Variants in IL17RC observed in about 807,000 individuals in gnomAD.
The protein encoded by IL17RC is interleukin 17 receptor C.
A neutral mutation model predicts 86.7 loss-of-function variants in IL17RC; 53 were observed. The ratio of observed to expected loss-of-function variants is 0.61; its 90% CI spans 0.49 to 0.77. The LOEUF is 0.77. IL17RC is among the 30% of genes least tolerant of loss of function. IL17RC has a pLI of 0.00. For synonymous variants in IL17RC, 439 were observed against 413.1 expected, an observed-to-expected ratio of 1.06 and a Z score of -0.76; for missense variants, 957 against 940.0, an observed-to-expected ratio of 1.02 and a Z score of -0.24.
rs1334477057 is a variant in IL17RC at position 9,932,935 on chromosome 3, A to C, written c.1523-18A>C. The C allele has an allele frequency of 1.2e-6, 2 of 1,609,854 alleles. No individual in the cohort carries two copies. The highest frequency in any genetic ancestry group is 1.7e-6 in the Non-Finnish European group (2 of 1,178,994). ...GTGCCAGCTCACCTCTTCCCTCCCC[A>C]TCTGTTTTCTCCGGCAGCGGCCGCC... On this transcript the variant is annotated intron_variant, in intron 18 of 18. Coordinates refer to ENST00000403601, the MANE Select transcript of IL17RC (RefSeq NM_153460.4).
Position 9,933,084 on chromosome 3 carries a change from C to T in IL17RC, c.1654C>T (p.Arg552Cys). The T allele has an allele frequency of 6.4e-7, 1 of 1,567,258 alleles. No homozygotes were observed. The highest frequency in any genetic ancestry group is 8.6e-7 in the Non-Finnish European group (1 of 1,163,720). ...CGTGGCCGTAGACCTGTGGAGCCGT[C>T]GTGAACTGAGCGCGCAGGGGCCCGT... ...LRVAVDLWSR[R>C]ELSAQGPVAW... Residue 552 changes from arginine (R) to cysteine (C), a missense_variant, in exon 19 of 19, where the codon CGT becomes TGT. By Grantham distance (180) the Arg-to-Cys change is radical. Transcript: ENST00000403601.
At position 9,930,790 on chromosome 3, in the gene IL17RC, T is replaced by C. The variant is rs2084579585; in HGVS notation, c.1339-105T>C. 2.1e-6 allele frequency: 2 copies of C among 970,240 alleles called. No homozygotes were observed. The highest frequency in any genetic ancestry group is 1.7e-5 in the Admixed American group (1 of 59,152). The allele number at this position is 970,240 out of a possible 1,614,324, so 60.1% of individuals were successfully genotyped here. ...AGCTGCAGGAACCTTAGCCGGGAGA[T>C]ATGCATAGTTGATGCTGGGAATTTG... On this transcript the variant is annotated intron_variant, in intron 15 of 18. Coordinates refer to ENST00000403601, the MANE Select transcript of IL17RC (RefSeq NM_153460.4). The surrounding 1 kb of genome is among the most constrained non-coding windows in gnomAD (Gnocchi z 5.8).
In IL17RC at chr3:9,930,898, TG is replaced by T; in HGVS notation, c.1345del (p.Asp449ThrfsTer49). 6.2e-7 allele frequency: 1 copy of T among 1,614,090 alleles called. No homozygotes were observed. Among genetic ancestry groups the T allele is most frequent in the Non-Finnish European group, 8.5e-7 (1 of 1,179,914 alleles). On this transcript the variant is annotated frameshift_variant, in exon 16 of 19. Transcript: ENST00000403601. LOFTEE classifies it high-confidence loss of function. The surrounding 1 kb of genome is among the most constrained non-coding windows in gnomAD (Gnocchi z 5.8). ...TGGTTCTGTTTGTATCTTACAGCTA[TG>T]GGACGATGACTTGGGAGCGCTATGG... The part of the protein sequence containing the change: ...DLQSGQCLQL[W>X]DDDLGALWAC...
rs2125323238 is a variant in IL17RC, at chr3:9,933,532, C to T, written c.2102C>T (p.Thr701Ile). ...ALDSYFHPPG[T>I]PAPGRGVGPG... ...GATAGCTACTTCCATCCCCCGGGGA[C>T]TCCCGCGCCGGGACGCGGGGTGGGA... is the stretch of plus-strand genomic sequence containing the variant. Residue 701 changes from threonine (T) to isoleucine (I), a missense_variant, in exon 19 of 19, where the codon ACT (threonine) becomes ATT (isoleucine). Physicochemically the swap from Thr to Ile is moderately conservative, Grantham distance 89 (BLOSUM62 -1). Coordinates refer to ENST00000403601, the MANE Select transcript of IL17RC (RefSeq NM_153460.4). 5 of 1,607,402 alleles carry T rather than the reference C, an allele frequency of 3.1e-6. No homozygotes were observed. The South Asian group carries it at 4.4e-5, about 14-fold the overall frequency.
intron 9 of IL17RC, among the ~76,000 whole-genome samples, chr3:9,924,661 C>A (rs1388230438): frequency 2.0e-5 from 3 of 152,194 alleles, no homozygotes; most frequent in East Asian, 1.9e-4. Context: ...AGCTGTGTAA[C>A]CTTGGGCAAG....
At chr3:9,924,156 T>G (rs1266217583) in intron 8 of IL17RC, 76 bp from the exon 9 acceptor site, 2 of 1,608,606 alleles carry the variant, frequency 1.2e-6, no homozygotes, top group Non-Finnish European at 1.7e-6. Flanking sequence ...ACTTCTGCCT[T>G]CCTGGTTTCC....
Position 9,930,149 on chromosome 3 carries a change from G to T in IL17RC, c.1278G>T (p.Thr426=). 1 of 1,613,920 alleles carries T rather than the reference G, an allele frequency of 6.2e-7. No individual in the cohort carries two copies. Among genetic ancestry groups the T allele is most frequent in the Non-Finnish European group, 8.5e-7 (1 of 1,179,970 alleles). The change falls in exon 14 of 19, where the codon ACG becomes ACT. Residue 426 remains threonine, a splice_region_variant and synonymous_variant. Coordinates refer to ENST00000403601, the MANE Select transcript of IL17RC (RefSeq NM_153460.4). This position sits in a 1 kb window ranked among gnomAD's most constrained non-coding sequence, Gnocchi z 5.8. The part of the protein sequence containing the change: ...GCTSLPSKAS[T]RAARLGEYLL... ...CTTCACTACCCAGCAAAGCCTCCAC[G>T]GTTAGGACTGGGCGACCCTCCTCCA... is the stretch of plus-strand genomic sequence containing the variant.
intron 9 of IL17RC, among the ~76,000 whole-genome samples, chr3:9,924,665 G>A (rs1190348640): frequency 6.6e-6 from 1 of 152,188 alleles, no homozygotes; most frequent in African/African-American, 2.4e-5. Context: ...GTGTAACCTT[G>A]GGCAAGTCAC....
intron 9 of IL17RC, among the ~76,000 whole-genome samples, chr3:9,926,855 C>A (rs1026060137): frequency 6.6e-6 from 1 of 152,126 alleles, no homozygotes. Context: ...CTCTTGACCT[C>A]GTGATCCGCC....
intron 9 of IL17RC, among the ~76,000 whole-genome samples, chr3:9,926,841 C>T (rs1377879211): frequency 1.3e-5 from 2 of 152,076 alleles, no homozygotes; most frequent in African/African-American, 4.8e-5. Flanking sequence ...CAGATGGTCT[C>T]GATCTCTTGA....
intron 3 of IL17RC, 128 bp downstream of exon 3, chr3:9,918,203 G>A (rs2083265962): frequency 3.0e-6 from 4 of 1,312,240 alleles, no homozygotes; most frequent in South Asian, 1.4e-5. Context: ...CCAGCAGAAG[G>A]ACCCCCAGGC....
chr3:9,923,802 A>G, intron 7 of IL17RC, 79 bp from the exon 8 acceptor site: 1 of 1,507,414 alleles, frequency 6.6e-7, no homozygotes, highest in East Asian at 2.3e-5. Context: ...GGGGGTTTGA[A>G]GGAAACTCCA....
In IL17RC at chr3:9,928,192, T is replaced by C; in HGVS notation, c.849T>C (p.Val283=). Residue 283 remains valine (V), a synonymous_variant, in exon 10 of 19, where the codon GTT becomes GTC. Coordinates refer to ENST00000403601, the MANE Select transcript of IL17RC (RefSeq NM_153460.4). The part of the protein sequence containing the change: ...IQVWPLEPDS[V]RTNICPFRED... ...TGTGGCCTCTGGAACCTGACTCCGT[T>C]AGGACGAACATCTGCCCCTTCAGGG... 6.2e-7 allele frequency: 1 copy of C among 1,614,122 alleles called. No individual in the cohort carries two copies.
Position 9,930,111 on chromosome 3 carries a change from C to T in IL17RC, c.1240C>T (p.Pro414Ser), listed in dbSNP as rs150602081. 5.6e-5 allele frequency: 91 copies of T among 1,614,000 alleles called. No individual in the cohort carries two copies. Among genetic ancestry groups the T allele is most frequent in the Non-Finnish European group, 7.4e-5 (87 of 1,180,012 alleles). Residue 414 changes from proline (P) to serine (S), a missense_variant, in exon 14 of 19, where the codon CCC becomes TCC. Physicochemically the swap from Pro to Ser is moderately conservative, Grantham distance 74. Transcript: ENST00000403601. The surrounding 1 kb of genome is among the most constrained non-coding windows in gnomAD (Gnocchi z 5.8). Reference protein sequence around the residue: ...QDNRSLCALEPSGCTSLPSKA... With the variant: ...QDNRSLCALESSGCTSLPSKA... Reference sequence around the variant, plus strand: ...CAACAGATCCCTCTGTGCCTTGGAACCCAGTGGCTGTACTTCACTACCCAG... The same window carrying T: ...CAACAGATCCCTCTGTGCCTTGGAATCCAGTGGCTGTACTTCACTACCCAG...
chr3:9,933,442 C>A lies in IL17RC; in HGVS notation c.2012C>A (p.Ala671Asp), dbSNP rs752995417. Reference sequence around the variant, plus strand: ...CTGGGGGCCCTGCAGCAGCCTCGCGCCCCGCGTTCCGGGCGGCTCCAAGAG... The same window carrying A: ...CTGGGGGCCCTGCAGCAGCCTCGCGACCCGCGTTCCGGGCGGCTCCAAGAG... ...DFLGALQQPR[A>D]PRSGRLQERA... Residue 671 changes from alanine to aspartate, a missense_variant, in exon 19 of 19, where the codon GCC becomes GAC. By Grantham distance (126) the Ala-to-Asp change is moderately radical. Coordinates refer to ENST00000403601, the MANE Select transcript of IL17RC (RefSeq NM_153460.4). 1.4e-5 allele frequency: 22 copies of A among 1,613,048 alleles called. No homozygotes were observed. Among genetic ancestry groups the A allele is most frequent in the Non-Finnish European group, 1.7e-5 (20 of 1,179,840 alleles).
rs1226567306 is a variant in IL17RC at position 9,932,983 on chromosome 3, T to C, written c.1553T>C (p.Leu518Pro). 1.3e-6 allele frequency: 2 copies of C among 1,596,242 alleles called. No homozygotes were observed. The highest frequency in any genetic ancestry group is 1.3e-5 in the African/African-American group (1 of 74,140). ...AAARGRAALLLYSADDSGFER... is the reference protein window; with the variant it reads ...AAARGRAALLPYSADDSGFER... ...GCCAGGGGCCGCGCGGCTCTGCTCC[T>C]CTACTCAGCCGATGACTCGGGTTTC... is the stretch of plus-strand genomic sequence containing the variant. Residue 518 changes from leucine to proline, a missense_variant, in exon 19 of 19, where the codon CTC (leucine) becomes CCC (proline). Transcript: ENST00000403601.
intron 9 of IL17RC, among the ~76,000 whole-genome samples, chr3:9,926,918 C>T (rs772637748): frequency 2.0e-5 from 3 of 152,076 alleles, no homozygotes; most frequent in Non-Finnish European, 4.4e-5. Context: ...CCGCGCCCAG[C>T]CTTGTTTTGT....
intron 9 of IL17RC, among the ~76,000 whole-genome samples, chr3:9,926,012 A>G (rs954487013): frequency 2.9e-5 from 4 of 139,108 alleles, no homozygotes; most frequent in Non-Finnish European, 6.1e-5. Flanking sequence ...ATGCGCCACC[A>G]TGCCTGGCTA....
chr3:9,930,211 A>C lies in IL17RC; in HGVS notation c.1278+62A>C. On this transcript the variant is annotated intron_variant, in intron 14 of 18. Coordinates refer to ENST00000403601, the MANE Select transcript of IL17RC (RefSeq NM_153460.4). This position sits in a 1 kb window ranked among gnomAD's most constrained non-coding sequence, Gnocchi z 5.8. ...AAATGCATCTCACATCTGGCCTCAA[A>C]TTTTCACTCCATCCACCCTGTGCCG... 1 of 1,601,166 alleles carries C rather than the reference A, an allele frequency of 6.2e-7. No individual in the cohort carries two copies. Among genetic ancestry groups the C allele is most frequent in the East Asian group, 2.2e-5 (1 of 44,660 alleles).
Sources: allele counts gnomAD v4.1 joint callset (sites outside exome capture counted in the v4.1 genomes callset), GRCh38; gene constraint gnomAD v4.1.1; non-coding constraint Gnocchi (gnomAD v3.1); transcripts MANE v1.5; gene names NCBI Gene and HGNC (gene_info 2026-07-23, HGNC 2026-07-21).